Variants in GFAP observed in about 807,000 individuals in gnomAD.
GFAP encodes the protein intermediate filament protein.
A neutral mutation model predicts 49.3 loss-of-function variants in GFAP; 38 were observed. The ratio of observed to expected loss-of-function variants is 0.77; its 90% CI spans 0.60 to 1.01. The LOEUF is 1.01. Among genes scored for constraint, GFAP ranks in the 50% least tolerant of loss-of-function variants. GFAP has a pLI of 0.00. For missense variants in GFAP, 463 were observed against 579.1 expected (o/e 0.80, Z 2.06); for synonymous variants, 222 against 236.4 (o/e 0.94, Z 0.56).
chr17:44,908,037 C>G, intron 8 of GFAP, 27 bp downstream of exon 8: 1 of 1,509,974 alleles, frequency 6.6e-7, no homozygotes, highest in South Asian at 1.1e-5. Flanking sequence ...CCAGCCAGAG[C>G]CTGACTGGGC....
chr17:44,915,079 C>A lies in GFAP; in HGVS notation c.408G>T (p.Arg136=). The A allele has an allele frequency of 6.2e-7, 1 of 1,613,444 alleles. No individual in the cohort carries two copies. The highest frequency in any genetic ancestry group is 8.5e-7 in the Non-Finnish European group (1 of 1,180,012). ...RLDQLTANSA[R]LEVERDNLAQ... is the part of the protein sequence containing the mutation. Reference sequence around the variant, plus strand: ...CCAGATTGTCCCTCTCAACCTCCAGCCGGGCGCTGTTGGCGGTGAGTTGAT... The same window carrying A: ...CCAGATTGTCCCTCTCAACCTCCAGACGGGCGCTGTTGGCGGTGAGTTGAT... The change falls in exon 1 of 9, where the codon CGG becomes CGT. Residue 136 remains arginine (R), a synonymous_variant. Coordinates refer to ENST00000588735, the MANE Select transcript of GFAP (RefSeq NM_002055.5). This position sits in a 1 kb window ranked among gnomAD's most constrained non-coding sequence, Gnocchi z 4.1.
intron 7 of GFAP, chr17:44,909,981 C>G: frequency 6.6e-7 from 1 of 1,506,924 alleles, no homozygotes; most frequent in Non-Finnish European, 8.8e-7. Context: ...GTACCACGTC[C>G]TGGGCTGGGC....
rs1567766093 is a variant in GFAP at position 44,903,565 on chromosome 17, A to G, written c.*3782T>C. 15 of 1,383,252 alleles carry G rather than the reference A, an allele frequency of 1.1e-5. No homozygotes were observed. The highest frequency in any genetic ancestry group is 1.4e-5 in the Non-Finnish European group (15 of 1,075,690). 85.7% of individuals were successfully genotyped at this position (1,383,252 alleles called of 1,614,324 possible). A position where few individuals can be genotyped will look rare whatever the true frequency, so the allele number is the denominator to read the frequency against. Reference sequence around the variant, plus strand: ...CTTGGGTGAGCGCCAGTGTTCTAGAAAGGGGAGTAAAGGCCAGGTTCTAGA... The same window carrying G: ...CTTGGGTGAGCGCCAGTGTTCTAGAGAGGGGAGTAAAGGCCAGGTTCTAGA... On this transcript the variant is annotated 3_prime_UTR_variant, in exon 9 of 9. Transcript: ENST00000588735.
chr17:44,914,591 C>T (rs950010280), intron 1 of GFAP: 2 of 231,066 alleles, frequency 8.7e-6, no homozygotes, highest in African/African-American at 4.6e-5. Context: ...TGCGCCCAGA[C>T]CTGCCTGCTC....
intron 2 of GFAP, 84 bp downstream of exon 2, chr17:44,913,944 C>G: frequency 3.8e-6 from 5 of 1,301,542 alleles, no homozygotes; most frequent in Non-Finnish European, 5.5e-6. Context: ...ATTGCTCTGG[C>G]GGGCTGAGCT....
In GFAP at chr17:44,911,813, A is replaced by T; in HGVS notation, c.781-16T>A. ...GGTCTGCAAACTAGGTGGGGGACAC[A>T]TATGGGGGGCTGTGTGGGCCCATGG... On this transcript the variant is annotated splice_polypyrimidine_tract_variant and intron_variant, in intron 4 of 8. Transcript: ENST00000588735. The T allele has an allele frequency of 6.2e-7, 1 of 1,608,746 alleles. No individual in the cohort carries two copies. Among genetic ancestry groups the T allele is most frequent in the Non-Finnish European group, 8.5e-7 (1 of 1,177,340 alleles).
At chr17:44,911,640 G>A (rs750934123) in intron 5 of GFAP, 32 bp downstream of exon 5, 4 of 1,607,368 alleles carry the variant, frequency 2.5e-6, no homozygotes, top group Non-Finnish European at 2.5e-6. Flanking sequence ...TCCCTGCTCC[G>A]CCCGTCCCCG....
In GFAP at chr17:44,911,517, C is replaced by T. The variant is rs1357693010; in HGVS notation, c.907-61G>A. ...GACCCGACTTGGGGAGGTTTCGAGGCCCGGCCCCCGGCCCCAGGCCCCGCC... is the reference window on the plus strand; with the variant it reads ...GACCCGACTTGGGGAGGTTTCGAGGTCCGGCCCCCGGCCCCAGGCCCCGCC... On this transcript the variant is annotated intron_variant, in intron 5 of 8. Coordinates refer to ENST00000588735, the MANE Select transcript of GFAP (RefSeq NM_002055.5). 1.9e-6 allele frequency: 3 copies of T among 1,541,984 alleles called. No homozygotes were observed. In the African/African-American group the frequency reaches 4.1e-5, roughly 21 times the overall value.
chr17:44,913,756 A>T lies in GFAP; in HGVS notation c.590T>A (p.Ile197Asn), dbSNP rs779356682. 46 of 1,613,628 alleles carry T rather than the reference A, an allele frequency of 2.9e-5. No homozygotes were observed. The highest frequency in any genetic ancestry group is 3.6e-5 in the Non-Finnish European group (43 of 1,179,888). Residue 197 changes from isoleucine to asparagine, a missense_variant, in exon 3 of 9, where the codon ATC becomes AAC. Transcript: ENST00000588735. The part of the protein sequence containing the change: ...ERKIESLEEE[I>N]RFLRKIHEEE... The stretch of plus-strand genomic sequence containing the variant: ...CTCGTGGATCTTCCTCAAGAACCGG[A>T]TCTCCTCCTCCAGCGACTCAATCTT...
intron 6 of GFAP, 73 bp downstream of exon 6, chr17:44,911,163 C>T: frequency 7.3e-7 from 1 of 1,362,714 alleles, no homozygotes; most frequent in East Asian, 2.3e-5. Flanking sequence ...AGACTCAGTC[C>T]CTGAAGGGAG....
Position 44,913,815 on chromosome 17 carries a change from A to G in GFAP, c.531T>C (p.Asp177=), listed in dbSNP as rs2145638740. ...NNLAAYRQEA[D]EATLARLDLE... is the part of the protein sequence containing the mutation. ...GATCCAGACGGGCCAGGGTGGCTTC[A>G]TCTGCTTCCTGGAGTGGCAGGAGGG... The change falls in exon 3 of 9, where the codon GAT becomes GAC. Residue 177 remains aspartate (D), a synonymous_variant. Transcript: ENST00000588735. 1 of 1,613,710 alleles carries G rather than the reference A, an allele frequency of 6.2e-7. No individual in the cohort carries two copies. The highest frequency in any genetic ancestry group is 8.5e-7 in the Non-Finnish European group (1 of 1,179,658).
At position 44,905,636 on chromosome 17, in the gene GFAP, C is replaced by T. The variant is rs899180815; in HGVS notation, c.*1711G>A. 14 of 153,468 alleles carry T rather than the reference C, an allele frequency of 9.1e-5. No homozygotes were observed. The highest frequency in any genetic ancestry group is 2.0e-4 in the South Asian group (1 of 4,912). 9.5% of individuals were successfully genotyped at this position (153,468 alleles called of 1,614,324 possible). A position where few individuals can be genotyped will look rare whatever the true frequency, so the allele number is the denominator to read the frequency against. On this transcript the variant is annotated 3_prime_UTR_variant, in exon 9 of 9. Transcript: ENST00000588735. The stretch of plus-strand genomic sequence containing the variant: ...GATCAGAGTCCACTCTGGGGAAGGG[C>T]GCAGCATTTGTCTTTATTTTTCCTC...
rs759311833 is a variant in GFAP, at chr17:44,904,282, G to C, written c.*3065C>G. ...GTGAGGGAATGGTGGCCACTTTCCA[G>C]GACAAGGGCCAGGAGCCCTTTGCAG... On this transcript the variant is annotated 3_prime_UTR_variant, in exon 9 of 9. Coordinates refer to ENST00000588735, the MANE Select transcript of GFAP (RefSeq NM_002055.5). 6.5e-7 allele frequency: 1 copy of C among 1,549,930 alleles called. No homozygotes were observed.
At position 44,903,965 on chromosome 17, in the gene GFAP, G is replaced by C; in HGVS notation, c.*3382C>G. ...GTTTGAAAATGCAGCCTACCTGGCC[G>C]ACATGAGCTTTGAGCTTCCCTGTCA... On this transcript the variant is annotated 3_prime_UTR_variant, in exon 9 of 9. Transcript: ENST00000588735. The C allele has an allele frequency of 6.4e-7, 1 of 1,550,600 alleles. No homozygotes were observed. Among genetic ancestry groups the C allele is most frequent in the Non-Finnish European group, 8.7e-7 (1 of 1,147,004 alleles).
Position 44,904,982 on chromosome 17 carries a change from T to C in GFAP, c.*2365A>G. On this transcript the variant is annotated 3_prime_UTR_variant, in exon 9 of 9. Transcript: ENST00000588735. ...GGCTGTGGAGCTCACCCTGATAGGC[T>C]ACCTGCTCATCACAGCAGTCTTTGT... 1 of 1,550,812 alleles carries C rather than the reference T, an allele frequency of 6.4e-7. No homozygotes were observed. Among genetic ancestry groups the C allele is most frequent in the Non-Finnish European group, 8.7e-7 (1 of 1,147,046 alleles).
chr17:44,913,347 G>A lies in GFAP; in HGVS notation c.702C>T (p.Ala234=), dbSNP rs765690306. 6.2e-7 allele frequency: 1 copy of A among 1,614,016 alleles called. No homozygotes were observed. The highest frequency in any genetic ancestry group is 1.3e-5 in the African/African-American group (1 of 74,924). Residue 234 remains alanine (A), a synonymous_variant, in exon 4 of 9, where the codon GCC becomes GCT. Transcript: ENST00000588735. ...CATACTGCGTGCGGATCTCTTTCAG[G>A]GCTGCGGTGAGGTCTGGCTTGGCCA... ...LDVAKPDLTA[A]LKEIRTQYEA...
intron 2 of GFAP, 74 bp from the exon 3 acceptor site, chr17:44,913,897 G>T: frequency 7.2e-7 from 1 of 1,390,402 alleles, no homozygotes; most frequent in Non-Finnish European, 1.0e-6. Flanking sequence ...CCTCAGCCTT[G>T]CCTTACCCCT....
intron 8 of GFAP, 75 bp from the exon 9 acceptor site, chr17:44,907,463 T>C: frequency 2.8e-6 from 3 of 1,076,304 alleles, no homozygotes; most frequent in Non-Finnish European, 4.3e-6. Context: ...ACCACGAGGC[T>C]GTGTAACCTT....
In GFAP at chr17:44,904,149, T is replaced by A; in HGVS notation, c.*3198A>T. ...ATGCTGACCCGCTTCAGCATCCGCA[T>A]GTTCAGCTTGTTGGTTTTCAGGGCT... On this transcript the variant is annotated 3_prime_UTR_variant, in exon 9 of 9. Coordinates refer to ENST00000588735, the MANE Select transcript of GFAP (RefSeq NM_002055.5). 2 of 1,550,354 alleles carry A rather than the reference T, an allele frequency of 1.3e-6. No homozygotes were observed. The highest frequency in any genetic ancestry group is 1.7e-6 in the Non-Finnish European group (2 of 1,146,752).
Sources: allele counts gnomAD v4.1 joint callset, GRCh38; gene constraint gnomAD v4.1.1; non-coding constraint Gnocchi (gnomAD v3.1); transcripts MANE v1.5; gene names NCBI Gene and HGNC (gene_info 2026-07-23, HGNC 2026-07-21).